Variants in DAB1 observed in about 807,000 individuals in gnomAD.
The protein encoded by DAB1 is DAB adaptor protein 1, also known as disabled homolog 1.
A neutral mutation model predicts 64.6 loss-of-function variants in DAB1; 15 were observed. That is an observed-to-expected ratio of 0.23 (90% CI 0.16 to 0.36). The LOEUF is 0.36. DAB1 is among the 10% of genes least tolerant of loss of function. The probability of loss-of-function intolerance (pLI) is 1.00; values close to 1 mark genes in which losing one functional copy is unlikely to be tolerated. For missense variants in DAB1, 596 were observed against 706.7 expected (o/e 0.84, Z 1.78); for synonymous variants, 235 against 251.9 (o/e 0.93, Z 0.64).
intron 2 of DAB1, among the ~76,000 whole-genome samples, chr1:57,226,116 T>A (rs971329650): frequency 1.3e-5 from 2 of 152,150 alleles, no homozygotes; most frequent in Admixed American, 1.3e-4. Context: ...AAAACTCAGA[T>A]CTCAAAGTTC....
chr1:57,433,097 T>C (rs915772326), intron 7 of DAB1, among the ~76,000 whole-genome samples: 2 of 152,188 alleles, frequency 1.3e-5, no homozygotes, highest in African/African-American at 4.8e-5. Context: ...CATACAATGT[T>C]CATGGTTTGA....
intron 5 of DAB1, among the ~76,000 whole-genome samples, chr1:58,129,816 G>T (rs1335763456): frequency 6.6e-6 from 1 of 151,994 alleles, no homozygotes; most frequent in Non-Finnish European, 1.5e-5. Context: ...ACTGTGGTCT[G>T]AGAGATAGTT....
intron 7 of DAB1, among the ~76,000 whole-genome samples, chr1:57,627,329 A>G (rs893262360): frequency 6.6e-6 from 1 of 152,122 alleles, no homozygotes; most frequent in African/African-American, 2.4e-5. Context: ...CAGCCTCTAT[A>G]ATGGTGTGAC....
At chr1:57,636,746 G>A (rs1442143036) in intron 7 of DAB1, among the ~76,000 whole-genome samples, 1 of 152,150 alleles carries the variant, frequency 6.6e-6, no homozygotes, top group Non-Finnish European at 1.5e-5. Context: ...AGATGGAAAA[G>A]GTTATGGAAG....
chr1:57,023,643 C>T lies in DAB1; in HGVS notation c.787-4G>A, dbSNP rs370042360. On this transcript the variant is annotated splice_region_variant and splice_polypyrimidine_tract_variant and intron_variant, in intron 10 of 14. Coordinates refer to ENST00000371236, the MANE Select transcript of DAB1 (RefSeq NM_001365792.1). The stretch of plus-strand genomic sequence containing the variant: ...CATCACCTGGAGTTGCAGGAGTCTG[C>T]CAGACAGAGAGAGGCAGAGGACACA... The T allele has an allele frequency of 6.3e-7, 1 of 1,592,792 alleles. No homozygotes were observed. The highest frequency in any genetic ancestry group is 1.7e-5 in the Admixed American group (1 of 59,298).
rs147261198 is a variant in DAB1 at position 57,326,175 on chromosome 1, C to A, written c.-136-35009G>T. 1.1e-4 allele frequency among the ~76,000 whole-genome samples: 16 copies of A among 152,328 alleles called. No homozygotes were observed. In the East Asian group the frequency reaches 3.1e-3, roughly 29 times the overall value. On this transcript the variant is annotated intron_variant, in intron 1 of 14. Coordinates refer to ENST00000371236, the MANE Select transcript of DAB1 (RefSeq NM_001365792.1). ...ACACCATAAGGTGACTGCTCCAGAT[C>A]TTTCCATAATTTCCTTTTATATTCA...
In DAB1 at chr1:57,153,437, C is replaced by T. The variant is rs77199248; in HGVS notation, c.68-8008G>A. ...TACCAGCAGATTATCTTGCATAACC[C>T]GGGGAGTACCTGTATCTCACAATGA... is the stretch of plus-strand genomic sequence containing the variant. On this transcript the variant is annotated intron_variant, in intron 2 of 14. Coordinates refer to ENST00000371236, the MANE Select transcript of DAB1 (RefSeq NM_001365792.1). Among the ~76,000 whole-genome samples, 1,318 of 152,226 alleles carry T rather than the reference C, an allele frequency of 8.7e-3. 19 individuals carry two copies. The highest frequency in any genetic ancestry group is 0.03 in the African/African-American group (1,256 of 41,526).
intron 3 of DAB1, among the ~76,000 whole-genome samples, chr1:58,392,750 C>T (rs761934838): frequency 7.6e-4 from 115 of 152,224 alleles, no homozygotes; most frequent in Admixed American, 1.4e-3. Flanking sequence ...CGTTGGACTT[C>T]CTGTTCACCT....
At chr1:57,976,791 G>T (rs1265195932) in intron 5 of DAB1, among the ~76,000 whole-genome samples, 2 of 152,100 alleles carry the variant, frequency 1.3e-5, no homozygotes, top group African/African-American at 4.8e-5. Flanking sequence ...ATGTAAAATG[G>T]GTGCCATCCC....
intron 1 of DAB1, among the ~76,000 whole-genome samples, chr1:57,409,061 G>A (rs1428722134): frequency 6.6e-6 from 1 of 152,048 alleles, no homozygotes; most frequent in East Asian, 1.9e-4. Context: ...TCCATGTGTG[G>A]TGCCCACTCC....
At chr1:58,499,477 T>TAGATAGATAGATAGATAG (rs1553122687) in intron 3 of DAB1, among the ~76,000 whole-genome samples, 5 of 143,662 alleles carry the variant, frequency 3.5e-5, no homozygotes, top group Non-Finnish European at 7.6e-5. Context: ...AAAGCCAGAC[T>TAGATAGATAGATAGATAG]ATAGATAGAT....
intron 6 of DAB1, among the ~76,000 whole-genome samples, chr1:57,782,165 A>AT (rs63351960): frequency 0.78 from 117,888 of 151,706 alleles, 45,940 homozygotes; most frequent in South Asian, 0.85. Flanking sequence ...TAGGATAATT[A>AT]TTTCGAGGTA....
At chr1:57,101,467 T>C (rs1167164954) in intron 4 of DAB1, among the ~76,000 whole-genome samples, 1 of 152,226 alleles carries the variant, frequency 6.6e-6, no homozygotes, top group African/African-American at 2.4e-5. Context: ...CTTCAGTCTC[T>C]GATGTGCAAA....
At chr1:57,016,347 C>A (rs1418028618) in intron 11 of DAB1, among the ~76,000 whole-genome samples, 1 of 151,826 alleles carries the variant, frequency 6.6e-6, no homozygotes, top group African/African-American at 2.4e-5. Context: ...TTTGGGAGGT[C>A]CAGGTGGGAG....
chr1:57,457,709 T>C (rs1429143639), intron 7 of DAB1, among the ~76,000 whole-genome samples: 1 of 152,018 alleles, frequency 6.6e-6, no homozygotes, highest in African/African-American at 2.4e-5. Flanking sequence ...AACAATGGAA[T>C]TTGTGATGAA....
intron 5 of DAB1, among the ~76,000 whole-genome samples, chr1:57,982,306 A>G (rs1646085655): frequency 6.6e-6 from 1 of 152,238 alleles, no homozygotes; most frequent in Non-Finnish European, 1.5e-5. Context: ...ACCCACATGA[A>G]GCAGAGAAGT....
intron 4 of DAB1, among the ~76,000 whole-genome samples, chr1:58,334,727 T>C (rs1310135089): frequency 8.9e-6 from 1 of 112,584 alleles, no homozygotes; most frequent in African/African-American, 3.1e-5. Context: ...CACAAAACTC[T>C]GTGAATTCAT....
At chr1:58,135,010 T>A (rs1182053277) in intron 5 of DAB1, among the ~76,000 whole-genome samples, 1 of 152,106 alleles carries the variant, frequency 6.6e-6, no homozygotes, top group East Asian at 1.9e-4. Flanking sequence ...GAAAAGTGGG[T>A]GTGGGTCATG....
chr1:58,338,854 T>G (rs1305287521), intron 4 of DAB1, among the ~76,000 whole-genome samples: 4 of 152,218 alleles, frequency 2.6e-5, no homozygotes, highest in African/African-American at 9.6e-5. Flanking sequence ...TGATTCATAC[T>G]GTAACATAGA....
Sources: gnomAD v4.1 joint callset for allele counts (sites outside exome capture counted in the v4.1 genomes callset) on GRCh38, gnomAD v4.1.1 for gene constraint, MANE v1.5 for transcripts, NCBI Gene and HGNC (gene_info 2026-07-23, HGNC 2026-07-21) for gene names.